The following CTNNA3 variants were observed in gnomAD, a reference collection of about 807,000 sequenced individuals.
CTNNA3 encodes catenin alpha 3.
CTNNA3 carries 76 observed loss-of-function variants against 95.7 expected under a neutral mutation model. The observed-to-expected ratio is 0.79, with a 90% CI of 0.66 to 0.96. CTNNA3 has a LOEUF of 0.96. Among genes scored for constraint, CTNNA3 ranks in the 40% least tolerant of loss-of-function variants. The probability of loss-of-function intolerance (pLI) is 0.00; values close to 1 mark genes in which losing one functional copy is unlikely to be tolerated. For synonymous variants in CTNNA3, 431 were observed against 374.4 expected, an observed-to-expected ratio of 1.15 and a Z score of -1.74; for missense variants, 1,191 against 1,089.8, an observed-to-expected ratio of 1.09 and a Z score of -1.31.
At chr10:66,154,207 C>T (rs1467770278) in intron 13 of CTNNA3, among the ~76,000 whole-genome samples, 2 of 151,672 alleles carry the variant, frequency 1.3e-5, no homozygotes, top group Non-Finnish European at 2.9e-5. Flanking sequence ...GTACTTAATC[C>T]TTGGTTCTAC....
chr10:66,360,784 T>TTCCTTCCTTCCTTCCTTC (rs1564897074), intron 12 of CTNNA3, among the ~76,000 whole-genome samples: 17 of 52,810 alleles, frequency 3.2e-4, no homozygotes, highest in African/African-American at 9.7e-4. Context: ...TTTCTTTCTT[T>TTCCTTCCTTCCTTCCTTC]CTTCCTTCCT....
chr10:66,380,076 A>T (rs2092825213), intron 11 of CTNNA3, among the ~76,000 whole-genome samples: 1 of 152,170 alleles, frequency 6.6e-6, no homozygotes, highest in African/African-American at 2.4e-5. Flanking sequence ...ATCTTTAACG[A>T]CTATTTCTTT....
intron 7 of CTNNA3, among the ~76,000 whole-genome samples, chr10:67,109,668 C>A (rs1229599047): frequency 1.3e-5 from 2 of 152,230 alleles, no homozygotes; most frequent in African/African-American, 2.4e-5. Context: ...CATGGTGAAA[C>A]CCCGCCTCTA....
chr10:67,263,856 C>T (rs1866713427), intron 5 of CTNNA3, among the ~76,000 whole-genome samples: 1 of 152,006 alleles, frequency 6.6e-6, no homozygotes, highest in Non-Finnish European at 1.5e-5. Flanking sequence ...GGAACGAGAA[C>T]TTCAATTCCA....
At chr10:66,650,199 G>A (rs1845845639) in intron 9 of CTNNA3, among the ~76,000 whole-genome samples, 1 of 152,154 alleles carries the variant, frequency 6.6e-6, no homozygotes, top group Admixed American at 6.5e-5. Flanking sequence ...TAGATCATAT[G>A]TTAGGTCATT....
chr10:67,625,261 C>T (rs1838916026), intron 2 of CTNNA3, among the ~76,000 whole-genome samples: 5 of 152,176 alleles, frequency 3.3e-5, no homozygotes, highest in Admixed American at 3.3e-4. Flanking sequence ...AAGTCCAATC[C>T]CAGGAGGACC....
chr10:66,342,867 A>G (rs974782525), intron 12 of CTNNA3, among the ~76,000 whole-genome samples: 2 of 152,118 alleles, frequency 1.3e-5, no homozygotes, highest in Admixed American at 6.5e-5. Context: ...TTCAATGACA[A>G]CTATATGTAA....
chr10:66,962,411 T>C (rs1044941820), intron 7 of CTNNA3, among the ~76,000 whole-genome samples: 3 of 140,192 alleles, frequency 2.1e-5, no homozygotes, highest in African/African-American at 5.5e-5. Flanking sequence ...TTTTTGTTTT[T>C]GTTTTTGTTT....
chr10:67,286,415 G>T (rs1297265426), intron 5 of CTNNA3, among the ~76,000 whole-genome samples: 2 of 152,180 alleles, frequency 1.3e-5, no homozygotes, highest in African/African-American at 4.8e-5. Flanking sequence ...TTTAAAATCT[G>T]TTAATTTCTC....
intron 7 of CTNNA3, chr10:66,928,151 C>A: frequency 6.2e-7 from 1 of 1,614,104 alleles, no homozygotes; most frequent in Non-Finnish European, 8.5e-7. Flanking sequence ...GATGCTGACG[C>A]CGAGCACATC....
chr10:66,629,123 T>C (rs539723220), intron 9 of CTNNA3, among the ~76,000 whole-genome samples: 48 of 152,138 alleles, frequency 3.2e-4, no homozygotes, highest in Non-Finnish European at 5.7e-4. Context: ...GAGGATGATA[T>C]CATATATCAA....
chr10:67,133,127 T>C (rs1311146609), intron 7 of CTNNA3, among the ~76,000 whole-genome samples: 1 of 151,396 alleles, frequency 6.6e-6, no homozygotes, highest in Non-Finnish European at 1.5e-5. Context: ...AGACCTCAAA[T>C]ACCCTAACTT....
intron 15 of CTNNA3, among the ~76,000 whole-genome samples, chr10:66,040,582 G>T (rs879327340): frequency 2.6e-5 from 4 of 151,900 alleles, no homozygotes; most frequent in Non-Finnish European, 4.4e-5. Context: ...GCAAGAACAT[G>T]GATGGGGCTA....
At chr10:67,645,333 T>C (rs1839672750) in intron 2 of CTNNA3, among the ~76,000 whole-genome samples, 1 of 152,152 alleles carries the variant, frequency 6.6e-6, no homozygotes. Flanking sequence ...TAAAAAGTAG[T>C]TTCCCCATGA....
At chr10:67,557,351 T>C (rs1164803060) in intron 3 of CTNNA3, among the ~76,000 whole-genome samples, 1 of 152,188 alleles carries the variant, frequency 6.6e-6, no homozygotes, top group Non-Finnish European at 1.5e-5. Context: ...ACAGAAAGGA[T>C]AGATGAATCT....
chr10:66,655,265 C>T (rs1173546080), intron 9 of CTNNA3, among the ~76,000 whole-genome samples: 2 of 151,928 alleles, frequency 1.3e-5, no homozygotes, highest in East Asian at 3.9e-4. Flanking sequence ...GAATAGTTAC[C>T]TCTTTAAAGA....
intron 13 of CTNNA3, among the ~76,000 whole-genome samples, chr10:66,112,234 C>T (rs1348217681): frequency 6.6e-6 from 1 of 152,038 alleles, no homozygotes; most frequent in Admixed American, 6.6e-5. Context: ...TTTTATAACC[C>T]AAGTGTCTAA....
intron 7 of CTNNA3, among the ~76,000 whole-genome samples, chr10:66,896,729 T>C (rs1845507588): frequency 6.6e-6 from 1 of 152,212 alleles, no homozygotes; most frequent in African/African-American, 2.4e-5. Context: ...CTCCTCTTGC[T>C]AGCGTCCATG....
intron 7 of CTNNA3, among the ~76,000 whole-genome samples, chr10:67,051,943 T>C (rs1482160817): frequency 6.6e-6 from 1 of 151,590 alleles, no homozygotes; most frequent in Non-Finnish European, 1.5e-5. Context: ...TTAGTAGAGA[T>C]GCAGTTTCAC....
Sources: allele counts gnomAD v4.1 joint callset (sites outside exome capture counted in the v4.1 genomes callset), GRCh38; gene constraint gnomAD v4.1.1; transcripts MANE v1.5; gene names NCBI Gene and HGNC (gene_info 2026-07-23, HGNC 2026-07-21).